The following MED13L variants were observed in gnomAD, a reference collection of about 807,000 sequenced individuals.
The protein encoded by MED13L is mediator of RNA polymerase II transcription subunit 13-like.
A neutral mutation model predicts 220.9 loss-of-function variants in MED13L; 7 were observed. The observed-to-expected ratio is 0.03, with a 90% CI of 0.02 to 0.06. MED13L has a LOEUF of 0.06. Among genes scored for constraint, MED13L ranks in the 10% least tolerant of loss-of-function variants. The pLI, the probability that MED13L is intolerant of heterozygous loss-of-function variation, is 1.00. For missense variants in MED13L, 1,965 were observed against 2,760.5 expected, an observed-to-expected ratio of 0.71 and a Z score of 6.46; for synonymous variants, 1,011 against 1,015.2, an observed-to-expected ratio of 1.00 and a Z score of 0.08.
intron 4 of MED13L, among the ~76,000 whole-genome samples, chr12:116,094,426 A>C (rs2137805706): frequency 6.6e-6 from 1 of 152,354 alleles, no homozygotes; most frequent in Non-Finnish European, 1.5e-5. Context: ...TATTGAATCA[A>C]ATTCCCAAAT....
At chr12:116,007,030 C>T (rs1031939031) in intron 11 of MED13L, 5 of 301,026 alleles carry the variant, frequency 1.7e-5, no homozygotes, top group Admixed American at 8.6e-5. Flanking sequence ...GGATAAGAAG[C>T]GCTCGATAAA....
chr12:116,160,686 C>A (rs539519791), intron 2 of MED13L, among the ~76,000 whole-genome samples: 1 of 152,084 alleles, frequency 6.6e-6, no homozygotes. Context: ...CATTCTCCTA[C>A]CTCAGCCTCC....
chr12:116,078,120 C>T (rs550522918), intron 4 of MED13L, among the ~76,000 whole-genome samples: 3 of 130,992 alleles, frequency 2.3e-5, no homozygotes, highest in Non-Finnish European at 4.6e-5. Context: ...CCAGCCTGGG[C>T]GACAGAGTAA....
chr12:115,982,283 C>A, intron 22 of MED13L, 101 bp downstream of exon 22: 3 of 1,254,766 alleles, frequency 2.4e-6, no homozygotes, highest in Non-Finnish European at 3.4e-6. Flanking sequence ...GATAATTAAC[C>A]TGTACTTCCA....
chr12:116,243,306 T>G (rs1029802546), intron 1 of MED13L, among the ~76,000 whole-genome samples: 3 of 152,106 alleles, frequency 2.0e-5, no homozygotes, highest in Admixed American at 6.5e-5. Flanking sequence ...AATTTTTTTG[T>G]GAAAAATCAG....
intron 1 of MED13L, among the ~76,000 whole-genome samples, chr12:116,250,760 G>T (rs930081373): frequency 4.6e-5 from 6 of 130,590 alleles, no homozygotes; most frequent in African/African-American, 1.8e-4. Flanking sequence ...CTGAGTGACA[G>T]AGCGAGACTC....
intron 1 of MED13L, among the ~76,000 whole-genome samples, chr12:116,240,947 C>T (rs1870580244): frequency 1.3e-5 from 2 of 152,080 alleles, no homozygotes; most frequent in South Asian, 4.1e-4. Context: ...TCTTTTATCA[C>T]CTAAGCTAAA....
rs145378300 is a variant in MED13L at position 116,139,719 on chromosome 12, G to A, written c.311-28207C>T. 8.2e-3 allele frequency among the ~76,000 whole-genome samples: 1,240 copies of A among 152,146 alleles called. 8 individuals carry two copies. The highest frequency in any genetic ancestry group is 0.016 in the Admixed American group (239 of 15,272). ...TTTAAATATTTGCTGGATAGGCCGC[G>A]TGTGGTGGCTCACGTCTGTAATGCC... On this transcript the variant is annotated intron_variant, in intron 2 of 30. Transcript: ENST00000281928.
chr12:116,153,837 G>T (rs1462975605), intron 2 of MED13L, among the ~76,000 whole-genome samples: 1 of 152,038 alleles, frequency 6.6e-6, no homozygotes, highest in Non-Finnish European at 1.5e-5. Flanking sequence ...ATAAGCACAC[G>T]GAAGGCTTAT....
chr12:116,106,271 C>T (rs1873567327), intron 3 of MED13L, among the ~76,000 whole-genome samples: 1 of 152,028 alleles, frequency 6.6e-6, no homozygotes, highest in African/African-American at 2.4e-5. Context: ...TTCTGGAAGG[C>T]TGGCAAGAAA....
intron 2 of MED13L, chr12:116,148,461 A>C (rs1418629144): frequency 4.1e-6 from 1 of 243,462 alleles, no homozygotes; most frequent in Non-Finnish European, 9.6e-6. Context: ...TTAAGTTTGA[A>C]AAACTTTCAT....
intron 4 of MED13L, among the ~76,000 whole-genome samples, chr12:116,024,775 G>GT (rs1447825397): frequency 1.1e-5 from 1 of 88,818 alleles, no homozygotes; most frequent in African/African-American, 4.0e-5. Context: ...TGGCGGGGCG[G>GT]GGGGGGGGGG....
At chr12:115,972,566 C>A (rs1452898799) in intron 25 of MED13L, 1 of 351,460 alleles carries the variant, frequency 2.8e-6, no homozygotes, top group East Asian at 7.0e-5. Flanking sequence ...TGTTAGCTGC[C>A]CTATCCTTTC....
intron 5 of MED13L, among the ~76,000 whole-genome samples, chr12:116,021,973 AAGTT>A (rs1001813959): frequency 6.6e-5 from 10 of 152,318 alleles, no homozygotes; most frequent in South Asian, 2.1e-4. Context: ...AATTAAAACA[AAGTT>A]AGGAACATCG....
chr12:115,987,855 G>A (rs570533979), intron 17 of MED13L, among the ~76,000 whole-genome samples: 11 of 152,312 alleles, frequency 7.2e-5, no homozygotes, highest in African/African-American at 2.2e-4. Context: ...CTGCAGGCAC[G>A]GATGGGATTC....
chr12:116,099,810 G>A (rs978689712), intron 3 of MED13L, among the ~76,000 whole-genome samples: 5 of 152,206 alleles, frequency 3.3e-5, no homozygotes, highest in African/African-American at 9.6e-5. Flanking sequence ...AAAACTCTGA[G>A]AGTCCAACAC....
At chr12:116,195,790 A>G (rs1201126033) in intron 2 of MED13L, among the ~76,000 whole-genome samples, 5 of 152,148 alleles carry the variant, frequency 3.3e-5, no homozygotes, top group African/African-American at 1.2e-4. Context: ...GGGAAAAAAA[A>G]TCACAACAAG....
intron 2 of MED13L, among the ~76,000 whole-genome samples, chr12:116,123,221 A>T (rs1875242333): frequency 6.6e-6 from 1 of 152,140 alleles, no homozygotes; most frequent in African/African-American, 2.4e-5. Context: ...CATGACAGGC[A>T]TTACTTTTAT....
chr12:116,056,261 A>C (rs1312241760), intron 4 of MED13L, among the ~76,000 whole-genome samples: 1 of 150,392 alleles, frequency 6.6e-6, no homozygotes, highest in African/African-American at 2.4e-5. Flanking sequence ...TAATTTATGA[A>C]GTTTCTTTTC....
Sources: gnomAD v4.1 joint callset for allele counts (sites outside exome capture counted in the v4.1 genomes callset) on GRCh38, gnomAD v4.1.1 for gene constraint, MANE v1.5 for transcripts, NCBI Gene and HGNC (gene_info 2026-07-23, HGNC 2026-07-21) for gene names.